The following MAP3K20 variants were observed in gnomAD, a reference collection of about 807,000 sequenced individuals.
MAP3K20 encodes mitogen-activated protein kinase kinase kinase 20.
A neutral mutation model predicts 85.7 loss-of-function variants in MAP3K20; 40 were observed. The ratio of observed to expected loss-of-function variants is 0.47; its 90% CI spans 0.36 to 0.61. The LOEUF (loss-of-function observed/expected upper bound fraction) is 0.61, where lower values mean the gene tolerates loss of function less well. MAP3K20 is among the 20% of genes least tolerant of loss of function. MAP3K20 has a pLI of 0.00. For missense variants in MAP3K20, 817 were observed against 961.7 expected (o/e 0.85, Z 1.99); for synonymous variants, 325 against 327.7 (o/e 0.99, Z 0.09).
chr2:173,081,050 C>T lies in MAP3K20; in HGVS notation c.-35+5048C>T, dbSNP rs149651651. On this transcript the variant is annotated intron_variant, in intron 1 of 19. Coordinates refer to ENST00000375213, the MANE Select transcript of MAP3K20 (RefSeq NM_016653.3). Reference sequence around the variant, plus strand: ...GAATTTGTCCGTATAGCCACAGATACCCCAATGCAAGCAAGTACTTGCTTT... The same window carrying T: ...GAATTTGTCCGTATAGCCACAGATATCCCAATGCAAGCAAGTACTTGCTTT... 1.1e-3 allele frequency among the ~76,000 whole-genome samples: 161 copies of T among 152,238 alleles called. 1 individual carries two copies. The highest frequency in any genetic ancestry group is 2.0e-3 in the Non-Finnish European group (138 of 68,018).
chr2:173,117,652 A>T (rs1688164375), intron 2 of MAP3K20, among the ~76,000 whole-genome samples: 1 of 152,182 alleles, frequency 6.6e-6, no homozygotes, highest in African/African-American at 2.4e-5. Context: ...AGTAATTTTC[A>T]TGATTACACA....
intron 2 of MAP3K20, among the ~76,000 whole-genome samples, chr2:173,129,328 A>T (rs759717298): frequency 1.9e-4 from 29 of 150,894 alleles, no homozygotes; most frequent in Non-Finnish European, 3.1e-4. Context: ...TGCATGCATT[A>T]TTTCATTTCA....
At chr2:173,095,109 G>A (rs1574007582) in intron 2 of MAP3K20, among the ~76,000 whole-genome samples, 1 of 152,154 alleles carries the variant, frequency 6.6e-6, no homozygotes, top group South Asian at 2.1e-4. Flanking sequence ...TATACTTAAA[G>A]ACTTTTTGGA....
At chr2:173,260,679 A>C (rs1685271665) in intron 17 of MAP3K20, among the ~76,000 whole-genome samples, 1 of 152,244 alleles carries the variant, frequency 6.6e-6, no homozygotes, top group Non-Finnish European at 1.5e-5. Flanking sequence ...GGCTTTACTC[A>C]AGGAAAGCAC....
At chr2:173,148,044 G>A (rs1000519592) in intron 2 of MAP3K20, among the ~76,000 whole-genome samples, 11 of 152,046 alleles carry the variant, frequency 7.2e-5, no homozygotes, top group African/African-American at 7.2e-5. Context: ...ATCCATAAGT[G>A]GCCTCACAGA....
intron 2 of MAP3K20, among the ~76,000 whole-genome samples, chr2:173,152,746 C>T (rs1361802058): frequency 6.6e-6 from 1 of 152,178 alleles, no homozygotes; most frequent in Non-Finnish European, 1.5e-5. Flanking sequence ...AAGATCAAGA[C>T]TTGCACCACA....
chr2:173,206,724 G>C (rs1182601456), intron 9 of MAP3K20, among the ~76,000 whole-genome samples: 1 of 152,158 alleles, frequency 6.6e-6, no homozygotes, highest in Non-Finnish European at 1.5e-5. Context: ...AGCTTTATAA[G>C]GGTGTAGAGG....
intron 16 of MAP3K20, among the ~76,000 whole-genome samples, chr2:173,253,609 G>A (rs1685090928): frequency 6.6e-6 from 1 of 152,204 alleles, no homozygotes; most frequent in African/African-American, 2.4e-5. Flanking sequence ...GACTACCAGG[G>A]TGAGATGGTT....
chr2:173,174,576 T>C (rs1690100083), intron 3 of MAP3K20, among the ~76,000 whole-genome samples: 1 of 152,234 alleles, frequency 6.6e-6, no homozygotes, highest in Admixed American at 6.5e-5. Context: ...ATGTTGTATA[T>C]GTGCCACATT....
rs1469733523 is a variant in MAP3K20, at chr2:173,209,744, A to C, written c.760A>C (p.Lys254Gln). The C allele has an allele frequency of 1.2e-5, 19 of 1,607,300 alleles. No individual in the cohort carries two copies. Among genetic ancestry groups the C allele is most frequent in the Non-Finnish European group, 1.5e-5 (18 of 1,177,714 alleles). Residue 254 changes from lysine to glutamine, a missense_variant, in exon 10 of 20, where the codon AAG (lysine) becomes CAG (glutamine). By Grantham distance (53) the Lys-to-Gln change is moderately conservative (BLOSUM62 1). Coordinates refer to ENST00000375213, the MANE Select transcript of MAP3K20 (RefSeq NM_016653.3). The stretch of plus-strand genomic sequence containing the variant: ...TCTTCTTCAGAAACGGCCATCATTC[A>C]AGCAAATCATTTCAATCCTGGAGTC... ...EADAKKRPSF[K>Q]QIISILESMS...
At chr2:173,233,053 CTGG>C (rs1477671758) in intron 14 of MAP3K20, among the ~76,000 whole-genome samples, 6 of 152,190 alleles carry the variant, frequency 3.9e-5, no homozygotes, top group Admixed American at 6.5e-5. Flanking sequence ...AGTCTCTAAT[CTGG>C]TGGAGAAAAC....
intron 2 of MAP3K20, among the ~76,000 whole-genome samples, chr2:173,124,298 T>C (rs1688379597): frequency 6.6e-6 from 1 of 151,982 alleles, no homozygotes; most frequent in African/African-American, 2.4e-5. Flanking sequence ...GACTACTGAA[T>C]GGGGTAAAAG....
intron 10 of MAP3K20, chr2:173,210,431 G>T: frequency 6.5e-6 from 1 of 153,454 alleles, no homozygotes; most frequent in Non-Finnish European, 1.5e-5. Context: ...TACTTTGTTA[G>T]GAAGCTTTGT....
intron 16 of MAP3K20, among the ~76,000 whole-genome samples, chr2:173,253,810 A>C (rs1303923858): frequency 6.6e-6 from 1 of 152,158 alleles, no homozygotes; most frequent in African/African-American, 2.4e-5. Context: ...GCTCATGCCT[A>C]TAATCCCAGC....
chr2:173,107,425 G>A (rs1257667725), intron 2 of MAP3K20, among the ~76,000 whole-genome samples: 2 of 152,276 alleles, frequency 1.3e-5, no homozygotes, highest in East Asian at 1.9e-4. Context: ...CGGTCCTGTA[G>A]GAATTGGCAT....
chr2:173,075,683 G>A (rs1024537530), upstream of MAP3K20: 25 of 972,218 alleles, frequency 2.6e-5, no homozygotes, highest in Non-Finnish European at 2.9e-5. Flanking sequence ...GTGTCTGGGG[G>A]CCTCGGCGGG....
chr2:173,226,028 T>C, intron 11 of MAP3K20: 1 of 985,410 alleles, frequency 1.0e-6, no homozygotes, highest in Non-Finnish European at 1.2e-6. Flanking sequence ...ACATAACCAG[T>C]GAAAAGACGT....
chr2:173,260,058 C>G (rs570714725), intron 17 of MAP3K20, among the ~76,000 whole-genome samples: 2 of 152,090 alleles, frequency 1.3e-5, no homozygotes, highest in African/African-American at 4.8e-5. Flanking sequence ...AACAAACAAA[C>G]GACAGCAACA....
chr2:173,101,799 T>C (rs1687645889), intron 2 of MAP3K20, among the ~76,000 whole-genome samples: 1 of 152,246 alleles, frequency 6.6e-6, no homozygotes, highest in Non-Finnish European at 1.5e-5. Context: ...TTCTCTGTTC[T>C]GTAGTGAAGA....
Sources: gnomAD v4.1 joint callset for allele counts (sites outside exome capture counted in the v4.1 genomes callset) on GRCh38, gnomAD v4.1.1 for gene constraint, MANE v1.5 for transcripts, NCBI Gene and HGNC (gene_info 2026-07-23, HGNC 2026-07-21) for gene names.